B3GAT2: variants seen among roughly 807,000 people sequenced by gnomAD.
The protein encoded by B3GAT2 is galactosylgalactosylxylosylprotein 3-beta-glucuronosyltransferase 2.
Under a neutral mutation model 27.8 loss-of-function variants are expected in B3GAT2, and 26 were observed. That is an observed-to-expected ratio of 0.93 (90% CI 0.68 to 1.30). The LOEUF is 1.30. B3GAT2 is among the 50% of genes most tolerant of loss of function. B3GAT2 has a pLI of 0.00. For synonymous variants in B3GAT2, 218 were observed against 195.1 expected (o/e 1.12, Z -0.98); for missense variants, 458 against 459.0 (o/e 1.00, Z 0.02).
At chr6:70,918,226 C>T (rs1772806927) in intron 1 of B3GAT2, among the ~76,000 whole-genome samples, 1 of 152,054 alleles carries the variant, frequency 6.6e-6, no homozygotes, top group Non-Finnish European at 1.5e-5. Flanking sequence ...GGATGGCAAA[C>T]CCTTTTTTTT....
rs562668917 is a variant in B3GAT2, at chr6:70,928,306, C to T, written c.591+27533G>A. Among the ~76,000 whole-genome samples, 5 of 151,924 alleles carry T rather than the reference C, an allele frequency of 3.3e-5. No individual in the cohort carries two copies. In the South Asian group the frequency reaches 1.0e-3, roughly 32 times the overall value. On this transcript the variant is annotated intron_variant, in intron 1 of 3. Coordinates refer to ENST00000230053, the MANE Select transcript of B3GAT2 (RefSeq NM_080742.3). The stretch of plus-strand genomic sequence containing the variant: ...AAGCCAGAGCAAACACATTCAAAAG[C>T]TAGCAGAACGCAAGAAATAACTAAG...
intron 1 of B3GAT2, among the ~76,000 whole-genome samples, chr6:70,927,891 C>G (rs1218174270): frequency 3.9e-5 from 6 of 152,208 alleles, no homozygotes; most frequent in Non-Finnish European, 7.3e-5. Context: ...ACTTTCTTCT[C>G]AGCACCACAT....
At chr6:70,865,755 C>T (rs552374934) in intron 2 of B3GAT2, among the ~76,000 whole-genome samples, 1 of 152,284 alleles carries the variant, frequency 6.6e-6, no homozygotes, top group Non-Finnish European at 1.5e-5. Context: ...GCAATAGGGA[C>T]TGGTTTTTCC....
At chr6:70,937,340 C>T (rs1173909298) in intron 1 of B3GAT2, among the ~76,000 whole-genome samples, 1 of 150,862 alleles carries the variant, frequency 6.6e-6, no homozygotes, top group Non-Finnish European at 1.5e-5. Flanking sequence ...GGAACTGGTA[C>T]CATTCCTTCT....
Position 70,955,926 on chromosome 6 carries a change from G to T in B3GAT2, c.504C>A (p.Arg168=). The T allele has an allele frequency of 6.3e-7, 1 of 1,591,892 alleles. No individual in the cohort carries two copies. Among genetic ancestry groups the T allele is most frequent in the South Asian group, 1.1e-5 (1 of 88,818 alleles). Residue 168 remains arginine, a synonymous_variant, in exon 1 of 4, where the codon CGC becomes CGA. Coordinates refer to ENST00000230053, the MANE Select transcript of B3GAT2 (RefSeq NM_080742.3). ...GCGCGCGCTGGTGCTGGTGCCTCTG[G>T]CGCAGCCAGGCGAGGCCCGCGTTGC... ...EQRNAGLAWL[R]QRHQHQRAQP...
intron 1 of B3GAT2, among the ~76,000 whole-genome samples, chr6:70,926,752 T>G (rs965281564): frequency 2.0e-5 from 3 of 152,144 alleles, no homozygotes; most frequent in Admixed American, 1.3e-4. Context: ...AAAACACTCT[T>G]CAGGATATTA....
chr6:70,937,913 CAGA>C (rs1425264265), intron 1 of B3GAT2, among the ~76,000 whole-genome samples: 1 of 151,902 alleles, frequency 6.6e-6, no homozygotes, highest in Non-Finnish European at 1.5e-5. Context: ...GGCAATTAGG[CAGA>C]AGAAGGACAT....
chr6:70,955,532 G>T (rs1031909652), intron 1 of B3GAT2, among the ~76,000 whole-genome samples: 1 of 151,858 alleles, frequency 6.6e-6, no homozygotes, highest in African/African-American at 2.4e-5. Context: ...CTGGCCCCTG[G>T]AAATCATTCC....
chr6:70,897,284 C>T (rs495433), intron 1 of B3GAT2, among the ~76,000 whole-genome samples: 36,950 of 151,938 alleles, frequency 0.24, 7,061 homozygotes, highest in African/African-American at 0.52. Flanking sequence ...ATATTCTGCA[C>T]ACAAATCTTT....
intron 2 of B3GAT2, among the ~76,000 whole-genome samples, chr6:70,889,753 A>T (rs1772254814): frequency 6.6e-6 from 1 of 151,226 alleles, no homozygotes; most frequent in African/African-American, 2.4e-5. Flanking sequence ...TTCCCAGATC[A>T]AATCTCTCCC....
At chr6:70,897,670 A>AT (rs1173221055) in intron 1 of B3GAT2, among the ~76,000 whole-genome samples, 158 of 92,336 alleles carry the variant, frequency 1.7e-3, no homozygotes, top group South Asian at 2.7e-3. Context: ...AAAAAAAAAA[A>AT]ATATATATAT....
intron 1 of B3GAT2, among the ~76,000 whole-genome samples, chr6:70,910,211 T>C (rs939328002): frequency 1.3e-4 from 20 of 152,086 alleles, no homozygotes; most frequent in African/African-American, 4.6e-4. Flanking sequence ...GGTTCAGGGG[T>C]CCATGTGCAG....
intron 2 of B3GAT2, among the ~76,000 whole-genome samples, chr6:70,875,079 T>C (rs1771992764): frequency 6.6e-6 from 1 of 152,166 alleles, no homozygotes; most frequent in Non-Finnish European, 1.5e-5. Context: ...GAAGTTGACT[T>C]TGACAAATTT....
intron 2 of B3GAT2, among the ~76,000 whole-genome samples, chr6:70,873,938 G>A (rs1282044134): frequency 6.6e-6 from 1 of 151,828 alleles, no homozygotes; most frequent in Non-Finnish European, 1.5e-5. Context: ...CTCTATTTGT[G>A]AGACATCATT....
At position 70,894,269 on chromosome 6, in the gene B3GAT2, G is replaced by T; in HGVS notation, c.595C>A (p.Arg199=). 1 of 1,571,414 alleles carries T rather than the reference G, an allele frequency of 6.4e-7. No homozygotes were observed. The highest frequency in any genetic ancestry group is 8.6e-7 in the Non-Finnish European group (1 of 1,160,798). Residue 199 remains arginine (R), a synonymous_variant, in exon 2 of 4, where the codon CGA becomes AGA. Transcript: ENST00000230053. ...CAGACGGAGACCTTGCGGGTGGTTC[G>T]CATCTATAAAAAGGGAAAAGACATG... ...TYSLELFQEM[R]TTRKVSVWPV...
intron 2 of B3GAT2, among the ~76,000 whole-genome samples, chr6:70,869,459 A>G (rs1771900929): frequency 6.6e-6 from 1 of 152,208 alleles, no homozygotes; most frequent in Non-Finnish European, 1.5e-5. Context: ...ATTTTGATAA[A>G]GATTGCATTG....
chr6:70,897,658 G>GA lies in B3GAT2; in HGVS notation c.592-3387dup, dbSNP rs71538453. 4.0e-3 allele frequency among the ~76,000 whole-genome samples: 546 copies of GA among 134,978 alleles called. 6 individuals are homozygous for GA. Among genetic ancestry groups the GA allele is most frequent in the Middle Eastern group, 0.011 (3 of 264 alleles). The allele number at this position is 134,978 out of a possible 152,430, so 88.6% of individuals were successfully genotyped here. ...GGAGGGTGAGGCATGAGAACTGCTT[G>GA]AAAAAAAAAAAAATATATATATATA... On this transcript the variant is annotated intron_variant, in intron 1 of 3. Transcript: ENST00000230053.
intron 1 of B3GAT2, among the ~76,000 whole-genome samples, chr6:70,921,694 C>A (rs1427489521): frequency 6.6e-6 from 1 of 152,192 alleles, no homozygotes; most frequent in Non-Finnish European, 1.5e-5. Context: ...AGAGTTCTTG[C>A]ATTGATTCTT....
chr6:70,954,293 T>C (rs1240514215), intron 1 of B3GAT2, among the ~76,000 whole-genome samples: 1 of 152,142 alleles, frequency 6.6e-6, no homozygotes. Flanking sequence ...ATCTCTAATC[T>C]TGGGTTGAGT....
Sources: allele counts gnomAD v4.1 joint callset (sites outside exome capture counted in the v4.1 genomes callset), GRCh38; gene constraint gnomAD v4.1.1; transcripts MANE v1.5; gene names NCBI Gene and HGNC (gene_info 2026-07-23, HGNC 2026-07-21).